Variants in RIMS2 observed in about 807,000 individuals in gnomAD.
RIMS2 encodes regulating synaptic membrane exocytosis protein 2.
RIMS2 carries 59 observed loss-of-function variants against 174.4 expected under a neutral mutation model. The ratio of observed to expected loss-of-function variants is 0.34; its 90% CI spans 0.27 to 0.42. The LOEUF (loss-of-function observed/expected upper bound fraction) is 0.42, where lower values mean the gene tolerates loss of function less well. RIMS2 is among the 10% of genes least tolerant of loss of function. The pLI is 1.00. For synonymous variants in RIMS2, 606 were observed against 572.5 expected (o/e 1.06, Z -0.84); for missense variants, 1,620 against 1,666.3 (o/e 0.97, Z 0.48).
At chr8:103,825,080 T>C (rs909119803) in intron 3 of RIMS2, among the ~76,000 whole-genome samples, 2 of 152,096 alleles carry the variant, frequency 1.3e-5, no homozygotes, top group Non-Finnish European at 2.9e-5. Context: ...TATTTATTAA[T>C]CTCTGAATTC....
At chr8:103,830,900 C>T (rs2098821667) in intron 3 of RIMS2, among the ~76,000 whole-genome samples, 1 of 152,164 alleles carries the variant, frequency 6.6e-6, no homozygotes, top group Admixed American at 6.5e-5. Context: ...CCTCATCTTC[C>T]CATGCTCAAG....
intron 1 of RIMS2, among the ~76,000 whole-genome samples, chr8:103,596,347 A>C (rs185800156): frequency 6.6e-6 from 1 of 152,228 alleles, no homozygotes; most frequent in Non-Finnish European, 1.5e-5. Flanking sequence ...TTAAGATGAC[A>C]GCAAATACTC....
chr8:104,113,088 C>G (rs927820891), intron 19 of RIMS2, among the ~76,000 whole-genome samples: 1 of 151,936 alleles, frequency 6.6e-6, no homozygotes, highest in Non-Finnish European at 1.5e-5. Flanking sequence ...ATTATAATAT[C>G]CAGAAAACCA....
intron 19 of RIMS2, among the ~76,000 whole-genome samples, chr8:104,100,233 T>G (rs2097846727): frequency 6.6e-6 from 1 of 152,224 alleles, no homozygotes; most frequent in African/African-American, 2.4e-5. Flanking sequence ...TGGAATTGTT[T>G]CATTACTTTC....
chr8:104,112,472 A>C (rs2098205127), intron 19 of RIMS2, among the ~76,000 whole-genome samples: 1 of 152,128 alleles, frequency 6.6e-6, no homozygotes, highest in South Asian at 2.1e-4. Flanking sequence ...TGATATATAC[A>C]TACATACATG....
intron 19 of RIMS2, among the ~76,000 whole-genome samples, chr8:104,236,119 G>T (rs1453462525): frequency 6.6e-6 from 1 of 151,232 alleles, no homozygotes; most frequent in Non-Finnish European, 1.5e-5. Context: ...TAAACTGGAG[G>T]TTAGACCTAG....
intron 19 of RIMS2, among the ~76,000 whole-genome samples, chr8:104,051,973 C>A (rs2096794458): frequency 6.6e-6 from 1 of 151,970 alleles, no homozygotes; most frequent in South Asian, 2.1e-4. Flanking sequence ...TGTGTAGTCT[C>A]TACAGCTTTG....
intron 19 of RIMS2, among the ~76,000 whole-genome samples, chr8:104,221,015 A>T (rs968332408): frequency 1.3e-5 from 2 of 152,200 alleles, no homozygotes; most frequent in Non-Finnish European, 1.5e-5. Flanking sequence ...TTTTCTAACC[A>T]AGTAACTTAA....
downstream of RIMS2, chr8:104,253,579 T>G (rs922781696): frequency 2.6e-5 from 4 of 152,134 alleles, no homozygotes; most frequent in Admixed American, 6.6e-5. Flanking sequence ...CTGCCTTTGG[T>G]TTTACAGACG....
rs2096298062 is a variant in RIMS2 at position 103,644,991 on chromosome 8, GT to G, written c.177-52090del. 4.0e-5 allele frequency among the ~76,000 whole-genome samples: 6 copies of G among 151,830 alleles called. No individual in the cohort carries two copies. In the South Asian group the frequency reaches 1.3e-3, roughly 32 times the overall value. On this transcript the variant is annotated intron_variant, in intron 1 of 23. Coordinates refer to ENST00000504942, the Ensembl canonical transcript of RIMS2. The stretch of plus-strand genomic sequence containing the variant: ...TTACATATTTATTTCAGTATTTCTT[GT>G]TTTTAGCATACTATTATTTGGTGAA...
intron 1 of RIMS2, among the ~76,000 whole-genome samples, chr8:103,547,555 T>C (rs1020216910): frequency 1.3e-5 from 2 of 152,000 alleles, no homozygotes; most frequent in African/African-American, 4.8e-5. Flanking sequence ...CATAAAAACA[T>C]TGGAAAGATT....
chr8:103,799,473 G>A (rs920271882), intron 3 of RIMS2, among the ~76,000 whole-genome samples: 6 of 152,102 alleles, frequency 3.9e-5, no homozygotes, highest in Non-Finnish European at 5.9e-5. Flanking sequence ...AGACTTTGTA[G>A]TCTGTCTATG....
intron 22 of RIMS2, among the ~76,000 whole-genome samples, chr8:104,249,837 A>C (rs1269221745): frequency 6.6e-6 from 1 of 152,124 alleles, no homozygotes; most frequent in Non-Finnish European, 1.5e-5. Flanking sequence ...CAAAATAAAA[A>C]CCACCCCACT....
intron 2 of RIMS2, among the ~76,000 whole-genome samples, chr8:103,726,470 A>G (rs898117421): frequency 6.6e-6 from 1 of 152,002 alleles, no homozygotes; most frequent in Admixed American, 6.6e-5. Flanking sequence ...TCAAGGATGC[A>G]AGGATATTCC....
intron 1 of RIMS2, among the ~76,000 whole-genome samples, chr8:103,685,019 T>G (rs1423030235): frequency 6.6e-6 from 1 of 152,180 alleles, no homozygotes; most frequent in Non-Finnish European, 1.5e-5. Flanking sequence ...TATATTTAGT[T>G]TTATAATTCA....
At chr8:103,576,005 A>G (rs1355500576) in intron 1 of RIMS2, among the ~76,000 whole-genome samples, 3 of 152,200 alleles carry the variant, frequency 2.0e-5, no homozygotes, top group Non-Finnish European at 4.4e-5. Context: ...CTGAAGGAAA[A>G]ATTATCCTTG....
At chr8:104,108,323 A>G (rs2098116380) in intron 19 of RIMS2, among the ~76,000 whole-genome samples, 2 of 152,070 alleles carry the variant, frequency 1.3e-5, no homozygotes. Context: ...CTGCATGATC[A>G]TATGATTACT....
chr8:104,203,816 C>G (rs1200951290), intron 19 of RIMS2, among the ~76,000 whole-genome samples: 2 of 151,990 alleles, frequency 1.3e-5, no homozygotes, highest in Non-Finnish European at 2.9e-5. Context: ...CTTTTTATTT[C>G]TTTTAATTAC....
At chr8:103,768,131 C>A in intron 3 of RIMS2, 1 of 297,492 alleles carries the variant, frequency 3.4e-6, no homozygotes, top group South Asian at 3.5e-5. Context: ...AAGAAAGTTC[C>A]CCAAATGGCA....
Sources: allele counts gnomAD v4.1 joint callset (sites outside exome capture counted in the v4.1 genomes callset), GRCh38; gene constraint gnomAD v4.1.1; transcripts MANE v1.5; gene names NCBI Gene and HGNC (gene_info 2026-07-23, HGNC 2026-07-21).